The following FHIT variants were observed in gnomAD, a reference collection of about 807,000 sequenced individuals.
The protein encoded by FHIT is fragile histidine triad diadenosine triphosphatase.
In FHIT, 19 loss-of-function variants were observed where a neutral mutation model predicts 17.9. That is an observed-to-expected ratio of 1.06 (90% CI 0.74 to 1.56). FHIT has a LOEUF of 1.56. Among genes scored for constraint, FHIT ranks in the 40% most tolerant of loss-of-function variants. The pLI, the probability that FHIT is intolerant of heterozygous loss-of-function variation, is 0.00. For synonymous variants in FHIT, 81 were observed against 69.7 expected (o/e 1.16, Z -0.81); for missense variants, 248 against 189.2 (o/e 1.31, Z -1.82).
At chr3:61,015,788 A>G (rs1450007876) in intron 3 of FHIT, among the ~76,000 whole-genome samples, 1 of 152,156 alleles carries the variant, frequency 6.6e-6, no homozygotes, top group Non-Finnish European at 1.5e-5. Flanking sequence ...TCGTGATGGT[A>G]GGCAGGTATT....
chr3:61,125,337 T>C (rs1016115310), intron 2 of FHIT, among the ~76,000 whole-genome samples: 2 of 152,236 alleles, frequency 1.3e-5, no homozygotes, highest in Non-Finnish European at 2.9e-5. Context: ...GGCATATGCA[T>C]ACTTGAAAAC....
intron 5 of FHIT, among the ~76,000 whole-genome samples, chr3:60,206,129 T>A (rs1703163893): frequency 8.2e-6 from 1 of 122,248 alleles, no homozygotes; most frequent in South Asian, 2.6e-4. Context: ...CGAGACTCCG[T>A]CTCAAAAAAA....
intron 5 of FHIT, among the ~76,000 whole-genome samples, chr3:60,062,811 T>C (rs574621910): frequency 2.6e-5 from 4 of 152,210 alleles, no homozygotes; most frequent in South Asian, 4.1e-4. Context: ...GGAAAACATA[T>C]AGAATTTGCA....
intron 8 of FHIT, among the ~76,000 whole-genome samples, chr3:59,790,153 A>G (rs192871146): frequency 5.4e-4 from 83 of 152,356 alleles, no homozygotes; most frequent in Middle Eastern, 6.8e-3. Context: ...ACAAAATAGT[A>G]TAATTACTGT....
chr3:60,372,772 T>C (rs1247473373), intron 5 of FHIT, among the ~76,000 whole-genome samples: 1 of 152,214 alleles, frequency 6.6e-6, no homozygotes, highest in Non-Finnish European at 1.5e-5. Context: ...GCTCCTACTT[T>C]CTCACAGACT....
intron 5 of FHIT, among the ~76,000 whole-genome samples, chr3:60,383,146 G>T (rs960337892): frequency 6.6e-6 from 1 of 152,162 alleles, no homozygotes; most frequent in African/African-American, 2.4e-5. Context: ...TTTACCGATA[G>T]AAAAATATGT....
intron 5 of FHIT, among the ~76,000 whole-genome samples, chr3:60,118,537 G>C (rs1705086515): frequency 6.6e-6 from 1 of 151,950 alleles, no homozygotes. Flanking sequence ...ATACTGTCAG[G>C]AGCTTCCTAC....
intron 5 of FHIT, among the ~76,000 whole-genome samples, chr3:60,273,647 G>C (rs1706978250): frequency 6.6e-6 from 1 of 152,036 alleles, no homozygotes; most frequent in East Asian, 1.9e-4. Flanking sequence ...TTTTTATAAT[G>C]ATCATGCTGA....
At chr3:60,710,264 G>C (rs2041487797) in intron 4 of FHIT, among the ~76,000 whole-genome samples, 1 of 152,102 alleles carries the variant, frequency 6.6e-6, no homozygotes, top group Non-Finnish European at 1.5e-5. Flanking sequence ...GGTGCCAGTA[G>C]TTTTAAAAAA....
intron 3 of FHIT, among the ~76,000 whole-genome samples, chr3:61,035,909 T>A (rs940397598): frequency 6.6e-6 from 1 of 152,316 alleles, no homozygotes; most frequent in African/African-American, 2.4e-5. Context: ...CTCAAAGGTG[T>A]TCAGTTTCAT....
intron 5 of FHIT, among the ~76,000 whole-genome samples, chr3:60,359,428 G>A (rs1215243867): frequency 6.6e-6 from 1 of 151,730 alleles, no homozygotes; most frequent in Non-Finnish European, 1.5e-5. Flanking sequence ...TTACAGGTGT[G>A]TGCCACCATG....
chr3:60,668,358 T>C (rs1577049300), intron 4 of FHIT, among the ~76,000 whole-genome samples: 1 of 111,788 alleles, frequency 8.9e-6, no homozygotes. Context: ...CAGAGGGACA[T>C]CCGCTCAATC....
chr3:60,245,878 G>A (rs138368141), intron 5 of FHIT, among the ~76,000 whole-genome samples: 2,124 of 152,114 alleles, frequency 0.014, 56 homozygotes, highest in African/African-American at 0.05. Context: ...CTATCTGTAT[G>A]TACATTTTAT....
chr3:59,834,362 T>C (rs1176820913), intron 8 of FHIT, among the ~76,000 whole-genome samples: 1 of 152,076 alleles, frequency 6.6e-6, no homozygotes, highest in African/African-American at 2.4e-5. Flanking sequence ...ATAGATAGAT[T>C]AGCTAAATAG....
chr3:61,056,769 A>T (rs780716796), intron 2 of FHIT, among the ~76,000 whole-genome samples: 2 of 152,124 alleles, frequency 1.3e-5, no homozygotes, highest in Non-Finnish European at 2.9e-5. Context: ...TTTTGGTTTT[A>T]TTTAGATAAT....
chr3:60,732,109 A>G (rs2042041907), intron 4 of FHIT: 1 of 668,076 alleles, frequency 1.5e-6, no homozygotes, highest in African/African-American at 1.8e-5. Flanking sequence ...TACAGAAGGA[A>G]TGGTCTGGTG....
intron 3 of FHIT, among the ~76,000 whole-genome samples, chr3:60,896,472 C>T (rs192068342): frequency 6.6e-6 from 1 of 152,328 alleles, no homozygotes. Flanking sequence ...TACTGCCCTC[C>T]TTCCACAGTG....
intron 5 of FHIT, among the ~76,000 whole-genome samples, chr3:60,070,330 T>G (rs1313667300): frequency 6.6e-6 from 1 of 152,246 alleles, no homozygotes; most frequent in African/African-American, 2.4e-5. Context: ...CTTCTGACAG[T>G]GCCTGATATA....
rs187445186 is a variant in FHIT, at chr3:59,930,481, C to T, written c.280-8067G>A. 5.3e-5 allele frequency among the ~76,000 whole-genome samples: 8 copies of T among 152,190 alleles called. No homozygotes were observed. The East Asian group carries it at 1.5e-3, about 29-fold the overall frequency. On this transcript the variant is annotated intron_variant, in intron 7 of 9. Transcript: ENST00000492590. Reference sequence around the variant, plus strand: ...GGTTAGAGGTTCTTAAACTGCAAATCCCAAAGCCCTAGAGCTTCCAGAACA... The same window carrying T: ...GGTTAGAGGTTCTTAAACTGCAAATTCCAAAGCCCTAGAGCTTCCAGAACA...
Sources: gnomAD v4.1 joint callset for allele counts (sites outside exome capture counted in the v4.1 genomes callset) on GRCh38, gnomAD v4.1.1 for gene constraint, MANE v1.5 for transcripts, NCBI Gene and HGNC (gene_info 2026-07-23, HGNC 2026-07-21) for gene names.